Variants in MUC5AC observed in about 807,000 individuals in gnomAD.
The protein encoded by MUC5AC is mucin 5AC, oligomeric mucus/gel-forming, also known as mucin-5AC.
A neutral mutation model predicts 169.7 loss-of-function variants in MUC5AC; 158 were observed. That is an observed-to-expected ratio of 0.93 (90% CI 0.82 to 1.06). The LOEUF is 1.06. Ranked by LOEUF, MUC5AC falls within the 50% of genes least tolerant of loss-of-function variation. MUC5AC has a pLI of 0.00. For synonymous variants in MUC5AC, 1,975 were observed against 1,237.0 expected (o/e 1.60, Z -12.52); for missense variants, 4,359 against 3,089.9 (o/e 1.41, Z -9.74).
intron 26 of MUC5AC, among the ~76,000 whole-genome samples, chr11:1,179,820 T>A (rs1349625447): frequency 2.0e-5 from 3 of 152,174 alleles, no homozygotes; most frequent in Non-Finnish European, 4.4e-5. Context: ...GGATCTGCTC[T>A]GACTGGAGAC....
rs770420483 is a variant in MUC5AC, at chr11:1,161,479, G to A, written c.152-48G>A. 2.7e-5 allele frequency: 40 copies of A among 1,476,472 alleles called. No homozygotes were observed. The South Asian group carries it at 4.3e-4, about 16-fold the overall frequency. 91.5% of individuals were successfully genotyped at this position (1,476,472 alleles called of 1,614,324 possible). A position where few individuals can be genotyped will look rare whatever the true frequency, so the allele number is the denominator to read the frequency against. The stretch of plus-strand genomic sequence containing the variant: ...CGTCTCCTCTGGCTGCGGAGCCCCC[G>A]CCCCACGTGGGGCCGTGCGTGAATC... On this transcript the variant is annotated intron_variant, in intron 2 of 48. Coordinates refer to ENST00000621226, the MANE Select transcript of MUC5AC (RefSeq NM_001304359.2).
chr11:1,193,019 G>A (rs1313994119), intron 32 of MUC5AC, 37 bp downstream of exon 32: 1 of 645,150 alleles, frequency 1.6e-6, no homozygotes, highest in Admixed American at 2.3e-5. Flanking sequence ...AAGGCTCAGG[G>A]GCTCCTACAG....
At chr11:1,195,753 C>A (rs1051640078) in intron 36 of MUC5AC, 123 bp from the exon 37 acceptor site, 1 of 577,104 alleles carries the variant, frequency 1.7e-6, no homozygotes, top group Non-Finnish European at 3.2e-6. Flanking sequence ...AGGGCGGCCA[C>A]ACACCAGTGG....
intron 15 of MUC5AC, among the ~76,000 whole-genome samples, chr11:1,171,584 C>G (rs1860539688): frequency 7.0e-6 from 1 of 142,420 alleles, no homozygotes; most frequent in Admixed American, 7.0e-5. Context: ...TACCCATTCA[C>G]CCACTCACCC....
In MUC5AC at chr11:1,194,607, G is replaced by C. The variant is rs754161223; in HGVS notation, c.15127G>C (p.Gly5043Arg). The C allele has an allele frequency of 1.3e-6, 1 of 764,464 alleles. No individual in the cohort carries two copies. The highest frequency in any genetic ancestry group is 1.7e-5 in the African/African-American group (1 of 59,140). 47.4% of individuals were successfully genotyped at this position (764,464 alleles called of 1,614,324 possible). ...GCTGGGAGTCCAGGTCATGTTCTCC[G>C]GCCTCATCTTCTCCGTGGAGGTGCC... ...PELGVQVMFS[G>R]LIFSVEVPFS... is the part of the protein sequence containing the mutation. Residue 5043 changes from glycine to arginine, a missense_variant, in exon 35 of 49, where the codon GGC (glycine) becomes CGC (arginine). Transcript: ENST00000621226.
At chr11:1,196,957 G>T (rs766964783) in intron 40 of MUC5AC, 49 bp downstream of exon 40, 1 of 745,702 alleles carries the variant, frequency 1.3e-6, no homozygotes, top group Non-Finnish European at 2.4e-6. Flanking sequence ...AAGAGCCCGA[G>T]GAGGGAGGCT....
In MUC5AC at chr11:1,189,595, C is replaced by T; in HGVS notation, c.11450C>T (p.Ser3817Phe). ...TISSPTTSTT[S>F]TPQTSTTSSP... ...TCTTCCCCTACAACCAGCACAACCT[C>T]CACTCCGCAGACCAGCACAACCTCT... is the stretch of plus-strand genomic sequence containing the variant. The change falls in exon 31 of 49, where the codon TCC (serine) becomes TTC (phenylalanine). Residue 3817 changes from serine (S) to phenylalanine (F), a missense_variant. Transcript: ENST00000621226. 1.6e-6 allele frequency: 1 copy of T among 612,916 alleles called. No homozygotes were observed. Among genetic ancestry groups the T allele is most frequent in the South Asian group, 1.9e-5 (1 of 51,468 alleles). The allele number at this position is 612,916 out of a possible 1,614,324, so 38.0% of individuals were successfully genotyped here. A position where few individuals can be genotyped will look rare whatever the true frequency, so the allele number is the denominator to read the frequency against.
In MUC5AC at chr11:1,194,353, C is replaced by T. The variant is rs769968003; in HGVS notation, c.14999C>T (p.Thr5000Ile). 9 of 730,200 alleles carry T rather than the reference C, an allele frequency of 1.2e-5. No individual in the cohort carries two copies. The highest frequency in any genetic ancestry group is 2.6e-5 in the East Asian group (1 of 39,108). 45.2% of individuals were successfully genotyped at this position (730,200 alleles called of 1,614,324 possible). The change falls in exon 34 of 49, where the codon ACA becomes ATA. Residue 5000 changes from threonine (T) to isoleucine (I), a missense_variant. Thr to Ile is a moderately conservative substitution (Grantham distance 89). Coordinates refer to ENST00000621226, the MANE Select transcript of MUC5AC (RefSeq NM_001304359.2). ...CGCAAGCCAGTCCACGGGGTGATGACAAACGAGGTGGGGGCGCGCCCGGTG... is the reference window on the plus strand; with the variant it reads ...CGCAAGCCAGTCCACGGGGTGATGATAAACGAGGTGGGGGCGCGCCCGGTG... ...LTRKPVHGVMTNEIIFNNKVV... is the reference protein window; with the variant it reads ...LTRKPVHGVMINEIIFNNKVV...
intron 12 of MUC5AC, among the ~76,000 whole-genome samples, 193 bp from the exon 13 acceptor site, chr11:1,168,290 G>T (rs1279538982): frequency 3.3e-5 from 5 of 152,232 alleles, no homozygotes; most frequent in Admixed American, 2.0e-4. Flanking sequence ...AATAACCTTG[G>T]TTTTCACTGA....
At chr11:1,165,138 T>C (rs1860282777) in intron 9 of MUC5AC, among the ~76,000 whole-genome samples, 164 bp from the exon 10 acceptor site, 2 of 149,470 alleles carry the variant, frequency 1.3e-5, no homozygotes, top group Admixed American at 6.6e-5. Context: ...TGAGGCTGGC[T>C]GATGCCCCTG....
At position 1,189,824 on chromosome 11, in the gene MUC5AC, C is replaced by G; in HGVS notation, c.11679C>G (p.Ser3893Arg). The change falls in exon 31 of 49, where the codon AGC becomes AGG. Residue 3893 changes from serine (S) to arginine (R), a missense_variant. Coordinates refer to ENST00000621226, the MANE Select transcript of MUC5AC (RefSeq NM_001304359.2). ...CCAGCACAACCTCTCCCCCTACAAG[C>G]AGCACAAGCTCCACTCCACAGACCA... ...HTTSTTSPPT[S>R]STSSTPQTSK... 2.7e-6 allele frequency: 2 copies of G among 747,770 alleles called. No individual in the cohort carries two copies. Among genetic ancestry groups the G allele is most frequent in the Non-Finnish European group, 4.9e-6 (2 of 408,186 alleles). The allele number at this position is 747,770 out of a possible 1,614,324, so 46.3% of individuals were successfully genotyped here.
Position 1,168,742 on chromosome 11 carries a change from C to T in MUC5AC, c.1668C>T (p.Phe556=). The part of the protein sequence containing the change: ...NLQLVPTMQL[F]MQLAPKLRGQ... ...AGCTGGTGCCCACCATGCAGCTGTTCATGCAGCTGGCGCCCAAGCTCCGTG... is the reference window on the plus strand; with the variant it reads ...AGCTGGTGCCCACCATGCAGCTGTTTATGCAGCTGGCGCCCAAGCTCCGTG... Residue 556 remains phenylalanine (F), a synonymous_variant, in exon 14 of 49, where the codon TTC becomes TTT. Transcript: ENST00000621226. The T allele has an allele frequency of 6.2e-7, 1 of 1,608,222 alleles. No homozygotes were observed. The highest frequency in any genetic ancestry group is 8.5e-7 in the Non-Finnish European group (1 of 1,176,262).
intron 15 of MUC5AC, among the ~76,000 whole-genome samples, chr11:1,170,102 C>T (rs1860458546): frequency 7.6e-6 from 1 of 132,054 alleles, no homozygotes; most frequent in Admixed American, 7.3e-5. Flanking sequence ...ACCTCACTCA[C>T]TCACCCACTC....
chr11:1,194,185 C>T lies in MUC5AC; in HGVS notation c.14831C>T (p.Thr4944Met), dbSNP rs758282099. Reference protein sequence around the residue: ...GTYYTFLDNCTYVLVQQIVPV... With the variant: ...GTYYTFLDNCMYVLVQQIVPV... ...TACTACACCTTCCTGGACAACTGCA[C>T]GTACGTGCTGGTGCAGCAGATTGTG... Residue 4944 changes from threonine (T) to methionine (M), a missense_variant, in exon 34 of 49, where the codon ACG (threonine) becomes ATG (methionine). Thr to Met is a moderately conservative substitution (Grantham distance 81, BLOSUM62 -1). Coordinates refer to ENST00000621226, the MANE Select transcript of MUC5AC (RefSeq NM_001304359.2). 1.3e-5 allele frequency: 10 copies of T among 764,972 alleles called. No individual in the cohort carries two copies. Among genetic ancestry groups the T allele is most frequent in the South Asian group, 5.4e-5 (4 of 74,628 alleles). 47.4% of individuals were successfully genotyped at this position (764,972 alleles called of 1,614,324 possible). A position where few individuals can be genotyped will look rare whatever the true frequency, so the allele number is the denominator to read the frequency against.
In MUC5AC at chr11:1,188,069, G is replaced by C. The variant is rs1564914950; in HGVS notation, c.9924G>C (p.Lys3308Asn). 2 of 745,806 alleles carry C rather than the reference G, an allele frequency of 2.7e-6. No individual in the cohort carries two copies. The highest frequency in any genetic ancestry group is 3.4e-5 in the African/African-American group (2 of 58,306). The allele number at this position is 745,806 out of a possible 1,614,324, so 46.2% of individuals were successfully genotyped here. A position where few individuals can be genotyped will look rare whatever the true frequency, so the allele number is the denominator to read the frequency against. Residue 3308 changes from lysine (K) to asparagine (N), a missense_variant, in exon 31 of 49, where the codon AAG (lysine) becomes AAC (asparagine). Coordinates refer to ENST00000621226, the MANE Select transcript of MUC5AC (RefSeq NM_001304359.2). Reference sequence around the variant, plus strand: ...ACCAGGACCAGCAGGGACCCTTCAAGATGTGCCTCAACTACGAGGTGCGTG... The same window carrying C: ...ACCAGGACCAGCAGGGACCCTTCAACATGTGCCTCAACTACGAGGTGCGTG... ...CRNQDQQGPFKMCLNYEVRVL... is the reference protein window; with the variant it reads ...CRNQDQQGPFNMCLNYEVRVL...
At position 1,160,685 on chromosome 11, in the gene MUC5AC, C is replaced by T. The variant is rs1339709477; in HGVS notation, c.147C>T (p.Pro49=). 1.2e-6 allele frequency: 2 copies of T among 1,609,358 alleles called. No individual in the cohort carries two copies. Among genetic ancestry groups the T allele is most frequent in the African/African-American group, 1.3e-5 (1 of 74,880 alleles). The part of the protein sequence containing the change: ...HPALSPIARG[P]SGVPLRGATV... ...CCCTCTCTCCTATCGCCCGGGGGCC[C>T]AGCGGTGAGTCTGAGTGTCCGGCCC... The change falls in exon 2 of 49, where the codon CCC becomes CCT. Residue 49 remains proline (P), a synonymous_variant. Coordinates refer to ENST00000621226, the MANE Select transcript of MUC5AC (RefSeq NM_001304359.2).
chr11:1,164,127 C>A lies in MUC5AC; in HGVS notation c.811C>A (p.His271Asn). 1 of 1,612,192 alleles carries A rather than the reference C, an allele frequency of 6.2e-7. No homozygotes were observed. The highest frequency in any genetic ancestry group is 8.5e-7 in the Non-Finnish European group (1 of 1,179,854). Reference sequence around the variant, plus strand: ...CTAGGGCATCTGTGAGGAGCTCCTGCACGGCCAGCTGTTCTCTGGCTGCGT... The same window carrying A: ...CTAGGGCATCTGTGAGGAGCTCCTGAACGGCCAGCTGTTCTCTGGCTGCGT... Reference protein sequence around the residue: ...TGFGICEELLHGQLFSGCVAL... With the variant: ...TGFGICEELLNGQLFSGCVAL... The change falls in exon 8 of 49, where the codon CAC (histidine) becomes AAC (asparagine). Residue 271 changes from histidine to asparagine, a missense_variant. His to Asn is a moderately conservative substitution (Grantham distance 68). Transcript: ENST00000621226.
rs754884579 is a variant in MUC5AC at position 1,194,114 on chromosome 11, G to A, written c.14760G>A (p.Val4920=). ...GCTGCCCCTGGGGCCTGGCAGGTGTGTGCAGCGGCTGGGGTGACCCCCACT... is the reference window on the plus strand; with the variant it reads ...GCTGCCCCTGGGGCCTGGCAGGTGTATGCAGCGGCTGGGGTGACCCCCACT... The part of the protein sequence containing the change: ...GCCHHYQCQC[V]CSGWGDPHYI... The change falls in exon 34 of 49, where the codon GTG becomes GTA. Residue 4920 remains valine (V), a synonymous_variant. Coordinates refer to ENST00000621226, the MANE Select transcript of MUC5AC (RefSeq NM_001304359.2). 6.5e-6 allele frequency: 5 copies of A among 764,826 alleles called. No homozygotes were observed. The highest frequency in any genetic ancestry group is 9.6e-6 in the Non-Finnish European group (4 of 417,678). 47.4% of individuals were successfully genotyped at this position (764,826 alleles called of 1,614,324 possible). A position where few individuals can be genotyped will look rare whatever the true frequency, so the allele number is the denominator to read the frequency against.
At position 1,185,579 on chromosome 11, in the gene MUC5AC, T is replaced by G; in HGVS notation, c.7434T>G (p.Ser2478=). The G allele has an allele frequency of 1.4e-6, 1 of 722,706 alleles. No individual in the cohort carries two copies. The highest frequency in any genetic ancestry group is 1.4e-5 in the South Asian group (1 of 69,478). The allele number at this position is 722,706 out of a possible 1,614,324, so 44.8% of individuals were successfully genotyped here. Residue 2478 remains serine (S), a synonymous_variant, in exon 31 of 49, where the codon TCT becomes TCG. Transcript: ENST00000621226. ...CTGCTCCTAAAAGCAGCACAACCTCTGCCGCTACAACCAGCACAACCTCTG... is the reference window on the plus strand; with the variant it reads ...CTGCTCCTAAAAGCAGCACAACCTCGGCCGCTACAACCAGCACAACCTCTG... The part of the protein sequence containing the change: ...TTSAPKSSTT[S]AATTSTTSGP...
Sources: allele counts gnomAD v4.1 joint callset (sites outside exome capture counted in the v4.1 genomes callset), GRCh38; gene constraint gnomAD v4.1.1; transcripts MANE v1.5; gene names NCBI Gene and HGNC (gene_info 2026-07-23, HGNC 2026-07-21).